WIPI2: variants seen among roughly 807,000 people sequenced by gnomAD.
WIPI2 encodes WD repeat domain phosphoinositide-interacting protein 2.
In WIPI2, 28 loss-of-function variants were observed where a neutral mutation model predicts 52.3. The observed-to-expected ratio is 0.54, with a 90% CI of 0.40 to 0.73. The LOEUF (loss-of-function observed/expected upper bound fraction) is 0.73. Ranked by LOEUF, WIPI2 falls within the 30% of genes least tolerant of loss-of-function variation. The probability of loss-of-function intolerance (pLI) is 0.00; values close to 1 mark genes in which losing one functional copy is unlikely to be tolerated. For synonymous variants in WIPI2, 268 were observed against 245.0 expected, an observed-to-expected ratio of 1.09 and a Z score of -0.88; for missense variants, 506 against 602.9, an observed-to-expected ratio of 0.84 and a Z score of 1.68.
chr7:5,222,869 T>G, intron 8 of WIPI2, 197 bp downstream of exon 8: 1 of 538,384 alleles, frequency 1.9e-6, no homozygotes, highest in Non-Finnish European at 3.3e-6. Flanking sequence ...GCAAATTGGG[T>G]TTTTGTTTGC....
At chr7:5,193,460 G>C in intron 2 of WIPI2, 2 of 677,158 alleles carry the variant, frequency 3.0e-6, no homozygotes, top group Non-Finnish European at 4.3e-6. Flanking sequence ...GAAGTGTGTG[G>C]AGACAACAGG....
rs869261081 is a variant in WIPI2 at position 5,197,118 on chromosome 7, C to CA, written c.129-2430dup. Reference sequence around the variant, plus strand: ...CAGAGCGGGACTCCGTCTCAAAAAACAAAAAAAAAAAAAAAAAAAAAAAAA... The same window carrying CA: ...CAGAGCGGGACTCCGTCTCAAAAAACAAAAAAAAAAAAAAAAAAAAAAAAAA... On this transcript the variant is annotated intron_variant, in intron 2 of 12. Transcript: ENST00000288828. Among the ~76,000 whole-genome samples, 115 of 41,422 alleles carry CA rather than the reference C, an allele frequency of 2.8e-3. 1 individual carries two copies. Among genetic ancestry groups the CA allele is most frequent in the Middle Eastern group, 0.025 (1 of 40 alleles). 27.2% of individuals were successfully genotyped at this position (41,422 alleles called of 152,430 possible). A position where few individuals can be genotyped will look rare whatever the true frequency, so the allele number is the denominator to read the frequency against.
At chr7:5,219,835 GTT>G (rs112254073) in intron 7 of WIPI2, among the ~76,000 whole-genome samples, 2 of 144,602 alleles carry the variant, frequency 1.4e-5, no homozygotes. Context: ...TCAAGTACCA[GTT>G]TTTTTTTTTT....
chr7:5,192,316 G>GGTA (rs897277152), intron 1 of WIPI2, among the ~76,000 whole-genome samples: 2 of 152,148 alleles, frequency 1.3e-5, no homozygotes, highest in African/African-American at 2.4e-5. Flanking sequence ...AGTAAGAAAT[G>GGTA]GTAGTAGTAG....
chr7:5,190,343 G>C lies in WIPI2; in HGVS notation c.-77G>C. On this transcript the variant is annotated 5_prime_UTR_variant, in exon 1 of 13. Transcript: ENST00000288828. ...ACCGAGGCGGCGAGCGGGGCCCGGC[G>C]CCGACCCTGAGTGCAGCCTGACCCG... The C allele has an allele frequency of 2.8e-6, 3 of 1,058,954 alleles. No homozygotes were observed. The highest frequency in any genetic ancestry group is 3.6e-6 in the Non-Finnish European group (3 of 830,660). The allele number at this position is 1,058,954 out of a possible 1,614,324, so 65.6% of individuals were successfully genotyped here.
At chr7:5,199,967 C>T (rs768226524) in intron 3 of WIPI2, among the ~76,000 whole-genome samples, 2 of 152,176 alleles carry the variant, frequency 1.3e-5, no homozygotes, top group Non-Finnish European at 2.9e-5. Context: ...CCATTTAAAC[C>T]GTCTAAATTA....
Position 5,225,947 on chromosome 7 carries a change from C to T in WIPI2, c.848+17C>T, listed in dbSNP as rs746576938. ...GAAAGAAAAGTGAGTTGCAAATATACGTTTCTTTAAAAATGATGCAAAACC... is the reference window on the plus strand; with the variant it reads ...GAAAGAAAAGTGAGTTGCAAATATATGTTTCTTTAAAAATGATGCAAAACC... On this transcript the variant is annotated intron_variant, in intron 9 of 12. Coordinates refer to ENST00000288828, the MANE Select transcript of WIPI2 (RefSeq NM_015610.4). 4.4e-5 allele frequency: 71 copies of T among 1,604,146 alleles called. No individual in the cohort carries two copies. Among genetic ancestry groups the T allele is most frequent in the Non-Finnish European group, 5.3e-5 (62 of 1,173,900 alleles).
chr7:5,230,924 C>G lies in WIPI2; in HGVS notation c.1342C>G (p.Pro448Ala). 1 of 1,613,020 alleles carries G rather than the reference C, an allele frequency of 6.2e-7. No individual in the cohort carries two copies. Among genetic ancestry groups the G allele is most frequent in the Non-Finnish European group, 8.5e-7 (1 of 1,179,510 alleles). Residue 448 changes from proline (P) to alanine (A), a missense_variant, in exon 13 of 13, where the codon CCC (proline) becomes GCC (alanine). Physicochemically the swap from Pro to Ala is conservative, Grantham distance 27 (BLOSUM62 -1). Around this residue, in one of 4 missense-constraint regions of WIPI2, gnomAD observed 194 missense variants for 175.1 expected, o/e 1.11. Transcript: ENST00000288828. The surrounding 1 kb of genome is among the most constrained non-coding windows in gnomAD (Gnocchi z 4.8). Reference sequence around the variant, plus strand: ...CCTGGATGAGGACAGCGAGCACCCGCCCATGATTCTTCGGACTGACTGAAC... The same window carrying G: ...CCTGGATGAGGACAGCGAGCACCCGGCCATGATTCTTCGGACTGACTGAAC... Reference protein sequence around the residue: ...LRLDEDSEHPPMILRTD With the variant: ...LRLDEDSEHPAMILRTD
chr7:5,198,170 C>T (rs771922650), intron 2 of WIPI2, among the ~76,000 whole-genome samples: 7 of 152,122 alleles, frequency 4.6e-5, no homozygotes, highest in Non-Finnish European at 8.8e-5. Context: ...CTTTGGAGTC[C>T]GTTTCGTTTC....
Position 5,230,745 on chromosome 7 carries a change from A to T in WIPI2, c.1253-90A>T. 1 of 851,468 alleles carries T rather than the reference A, an allele frequency of 1.2e-6. No individual in the cohort carries two copies. The highest frequency in any genetic ancestry group is 1.8e-6 in the Non-Finnish European group (1 of 558,102). The allele number at this position is 851,468 out of a possible 1,614,324, so 52.7% of individuals were successfully genotyped here. On this transcript the variant is annotated intron_variant, in intron 12 of 12. Coordinates refer to ENST00000288828, the MANE Select transcript of WIPI2 (RefSeq NM_015610.4). This position sits in a 1 kb window ranked among gnomAD's most constrained non-coding sequence, Gnocchi z 4.8. ...AGGCTTCAGTTTATAAATATACACC[A>T]GTGTTTCCAAAACACAGTCCTCAGT...
In WIPI2 at chr7:5,227,344, C is replaced by T. The variant is rs375023285; in HGVS notation, c.1013C>T (p.Thr338Ile). The T allele has an allele frequency of 4.3e-5, 69 of 1,612,652 alleles. No homozygotes were observed. The highest frequency in any genetic ancestry group is 3.3e-4 in the South Asian group (30 of 91,092). The change falls in exon 10 of 13, where the codon ACA (threonine) becomes ATA (isoleucine). Residue 338 changes from threonine (T) to isoleucine (I), a missense_variant and splice_region_variant. Around this residue, in one of 4 missense-constraint regions of WIPI2, gnomAD observed 194 missense variants for 175.1 expected, o/e 1.11. Transcript: ENST00000288828. The surrounding 1 kb of genome is among the most constrained non-coding windows in gnomAD (Gnocchi z 8.1). ...CGHKNICSLA[T>I]IQKIPRLLVG... is the part of the protein sequence containing the mutation. ...CACAAAAACATCTGCTCGCTAGCCACGTGAGTAGAGCCGGCGCCTCCGTCC... is the reference window on the plus strand; with the variant it reads ...CACAAAAACATCTGCTCGCTAGCCATGTGAGTAGAGCCGGCGCCTCCGTCC...
chr7:5,202,574 C>T (rs751185147), intron 3 of WIPI2, among the ~76,000 whole-genome samples: 106 of 151,878 alleles, frequency 7.0e-4, no homozygotes, highest in South Asian at 1.9e-3. Flanking sequence ...TTTGTAGAAA[C>T]GGGGTCTTAC....
At position 5,232,575 on chromosome 7, in the gene WIPI2, G is replaced by A. The variant is rs561865504; in HGVS notation, c.*1628G>A. 28 of 355,876 alleles carry A rather than the reference G, an allele frequency of 7.9e-5. No homozygotes were observed. Among genetic ancestry groups the A allele is most frequent in the East Asian group, 4.5e-4 (11 of 24,338 alleles). 22.0% of individuals were successfully genotyped at this position (355,876 alleles called of 1,614,324 possible). A position where few individuals can be genotyped will look rare whatever the true frequency, so the allele number is the denominator to read the frequency against. On this transcript the variant is annotated 3_prime_UTR_variant, in exon 13 of 13. Coordinates refer to ENST00000288828, the MANE Select transcript of WIPI2 (RefSeq NM_015610.4). ...CACGCAGGCTGAGACAGTGGGGACCGCCGAGGCCAGAGTGGGCTATGCTTG... is the reference window on the plus strand; with the variant it reads ...CACGCAGGCTGAGACAGTGGGGACCACCGAGGCCAGAGTGGGCTATGCTTG...
intron 7 of WIPI2, among the ~76,000 whole-genome samples, chr7:5,221,041 GCAA>G (rs1309113605): frequency 1.5e-4 from 22 of 145,190 alleles, no homozygotes; most frequent in African/African-American, 5.6e-4. Flanking sequence ...TCGGCTCACT[GCAA>G]CCTCCGCCTC....
intron 4 of WIPI2, among the ~76,000 whole-genome samples, chr7:5,215,307 G>A (rs975261565): frequency 2.0e-5 from 3 of 151,780 alleles, no homozygotes; most frequent in South Asian, 2.1e-4. Flanking sequence ...GTGAGACTTC[G>A]TCTCAAAAAA....
At chr7:5,190,986 G>C (rs1781455565) in intron 1 of WIPI2, 1 of 157,562 alleles carries the variant, frequency 6.3e-6, no homozygotes, top group Non-Finnish European at 1.4e-5. Context: ...TCTTTTCTTC[G>C]TTTCTCACTG....
chr7:5,192,371 T>A (rs918177570), intron 1 of WIPI2, among the ~76,000 whole-genome samples: 45 of 152,166 alleles, frequency 3.0e-4, no homozygotes, highest in African/African-American at 1.1e-3. Flanking sequence ...TTCCAAAACA[T>A]TGTCGGCCAC....
Position 5,233,282 on chromosome 7 carries a change from C to T in WIPI2, c.*2335C>T, listed in dbSNP as rs1010723884. The T allele has an allele frequency of 1.3e-5, 2 of 152,242 alleles. No individual in the cohort carries two copies. Among genetic ancestry groups the T allele is most frequent in the Non-Finnish European group, 2.9e-5 (2 of 68,084 alleles). The allele number at this position is 152,242 out of a possible 1,614,324, so 9.4% of individuals were successfully genotyped here. ...TCTTCCTCTGCTCGAACCTATGAGT[C>T]CCAGCCTCACTGGCGGCCTCAGACA... On this transcript the variant is annotated 3_prime_UTR_variant, in exon 13 of 13. Transcript: ENST00000288828.
chr7:5,223,789 A>T (rs576649555), intron 8 of WIPI2, among the ~76,000 whole-genome samples: 35 of 152,156 alleles, frequency 2.3e-4, no homozygotes, highest in African/African-American at 7.5e-4. Flanking sequence ...CTTGGTAAAT[A>T]GCGCCACTTG....
Sources: gnomAD v4.1 joint callset for allele counts (sites outside exome capture counted in the v4.1 genomes callset) on GRCh38, gnomAD v4.1.1 for gene constraint, gnomAD v4.1.1 regional missense constraint, Gnocchi (gnomAD v3.1) non-coding constraint, MANE v1.5 for transcripts, NCBI Gene and HGNC (gene_info 2026-07-23, HGNC 2026-07-21) for gene names.